GRM6: variants seen among roughly 807,000 people sequenced by gnomAD.
GRM6 encodes glutamate metabotropic receptor 6, also known as metabotropic glutamate receptor 6.
A neutral mutation model predicts 78.4 loss-of-function variants in GRM6; 73 were observed. That is an observed-to-expected ratio of 0.93 (90% CI 0.77 to 1.13). The LOEUF is 1.13. Among genes scored for constraint, GRM6 ranks in the 50% most tolerant of loss-of-function variants. The pLI is 0.00. For missense variants in GRM6, 1,251 were observed against 1,256.4 expected, an observed-to-expected ratio of 1.00 and a Z score of 0.07; for synonymous variants, 580 against 555.0, an observed-to-expected ratio of 1.05 and a Z score of -0.63.
rs1167815824 is a variant in GRM6 at position 178,980,331 on chromosome 5, G to A, written c.*1326C>T. 6.5e-6 allele frequency: 1 copy of A among 154,344 alleles called. No individual in the cohort carries two copies. The highest frequency in any genetic ancestry group is 2.4e-5 in the African/African-American group (1 of 41,512). The allele number at this position is 154,344 out of a possible 1,614,324, so 9.6% of individuals were successfully genotyped here. On this transcript the variant is annotated 3_prime_UTR_variant, in exon 11 of 11. Transcript: ENST00000517717. This position sits in a 1 kb window ranked among gnomAD's most constrained non-coding sequence, Gnocchi z 4.3. ...CAAGCTTTTTGTAAAAACTATCAGT[G>A]AAAAACAAATGTGCGTGCATCTGCA...
At chr5:178,985,618 G>T (rs754632386) in intron 9 of GRM6, 8 of 363,380 alleles carry the variant, frequency 2.2e-5, no homozygotes, top group African/African-American at 4.3e-5. Context: ...CAGGAGAATG[G>T]CGTGAACCCG....
intron 9 of GRM6, chr5:178,985,571 C>CGGG (rs1466161019): frequency 3.0e-6 from 1 of 338,148 alleles, no homozygotes; most frequent in African/African-American, 2.2e-5. Context: ...GGCGTGGTGG[C>CGGG]GGGCGCCTGT....
Position 178,991,149 on chromosome 5 carries a change from T to C in GRM6, c.857+275A>G. Reference sequence around the variant, plus strand: ...TTCCCTCACAGCTCATTTTCTGCACTAGGTTCTGCCCACAGGTCCCTCCCC... The same window carrying C: ...TTCCCTCACAGCTCATTTTCTGCACCAGGTTCTGCCCACAGGTCCCTCCCC... On this transcript the variant is annotated intron_variant, in intron 4 of 10. Coordinates refer to ENST00000517717, the MANE Select transcript of GRM6 (RefSeq NM_000843.4). This position sits in a 1 kb window ranked among gnomAD's most constrained non-coding sequence, Gnocchi z 5.0. 6.6e-6 allele frequency among the ~76,000 whole-genome samples: 1 copy of C among 152,010 alleles called. No individual in the cohort carries two copies. Among genetic ancestry groups the C allele is most frequent in the Non-Finnish European group, 1.5e-5 (1 of 67,994 alleles).
In GRM6 at chr5:178,982,750, A is replaced by G. The variant is rs1010064629; in HGVS notation, c.2436+160T>C. 41 of 635,232 alleles carry G rather than the reference A, an allele frequency of 6.5e-5. No homozygotes were observed. In the East Asian group the frequency reaches 1.1e-3, roughly 17 times the overall value. The allele number at this position is 635,232 out of a possible 1,614,324, so 39.3% of individuals were successfully genotyped here. A position where few individuals can be genotyped will look rare whatever the true frequency, so the allele number is the denominator to read the frequency against. On this transcript the variant is annotated intron_variant, in intron 10 of 10. Transcript: ENST00000517717. ...TTAAGAAGAGGGGTTAGAAGCTTGG[A>G]AAAGTGAATGAATGAACAAAGTAAG...
In GRM6 at chr5:178,986,477, C is replaced by T. The variant is rs1408185736; in HGVS notation, c.1777G>A (p.Ala593Thr). ...SPWAAPPLLL[A>T]VLGIVATTTV... ...GTAGTGGCCACGATGCCCAGCACGG[C>T]CAGGAGGAGCGGCGGGGCTGCCCAG... The change falls in exon 9 of 11, where the codon GCC becomes ACC. Residue 593 changes from alanine to threonine, a missense_variant. Physicochemically the swap from Ala to Thr is moderately conservative, Grantham distance 58 (BLOSUM62 0). Coordinates refer to ENST00000517717, the MANE Select transcript of GRM6 (RefSeq NM_000843.4). 6.2e-7 allele frequency: 1 copy of T among 1,611,836 alleles called. No homozygotes were observed. Among genetic ancestry groups the T allele is most frequent in the Non-Finnish European group, 8.5e-7 (1 of 1,179,322 alleles).
At chr5:178,989,223 C>T in intron 6 of GRM6, 42 bp downstream of exon 6, 1 of 1,134,356 alleles carries the variant, frequency 8.8e-7, no homozygotes, top group Non-Finnish European at 1.3e-6. Flanking sequence ...CCTCACCACC[C>T]TCCCCACCCT....
Position 178,991,184 on chromosome 5 carries a change from G to A in GRM6, c.857+240C>T, listed in dbSNP as rs1760663794. On this transcript the variant is annotated intron_variant, in intron 4 of 10. Coordinates refer to ENST00000517717, the MANE Select transcript of GRM6 (RefSeq NM_000843.4). The surrounding 1 kb of genome is among the most constrained non-coding windows in gnomAD (Gnocchi z 5.0). ...CCACAGGTCCCTCCCCGCACCCCCA[G>A]GAGCTGTAAACACAGACACATGTTC... 6.6e-6 allele frequency among the ~76,000 whole-genome samples: 1 copy of A among 152,092 alleles called. No homozygotes were observed. Among genetic ancestry groups the A allele is most frequent in the Admixed American group, 6.5e-5 (1 of 15,282 alleles).
rs766764983 is a variant in GRM6 at position 178,991,985 on chromosome 5, C to T, written c.603G>A (p.Ala201=). Residue 201 remains alanine (A), a synonymous_variant, in exon 3 of 11, where the codon GCG becomes GCA. Coordinates refer to ENST00000517717, the MANE Select transcript of GRM6 (RefSeq NM_000843.4). This position sits in a 1 kb window ranked among gnomAD's most constrained non-coding sequence, Gnocchi z 5.0. The stretch of plus-strand genomic sequence containing the variant: ...CCCTCACGATGTCCACCATGGCCTG[C>T]GCCTGGTAGGAGTCGGGTGGCACCA... The part of the protein sequence containing the change: ...SRVVPPDSYQ[A]QAMVDIVRAL... 16 of 1,613,716 alleles carry T rather than the reference C, an allele frequency of 9.9e-6. No individual in the cohort carries two copies. The highest frequency in any genetic ancestry group is 4.5e-5 in the East Asian group (2 of 44,878).
At chr5:178,989,196 G>A (rs1303220262) in intron 6 of GRM6, 61 bp from the exon 7 acceptor site, 23 of 1,415,484 alleles carry the variant, frequency 1.6e-5, no homozygotes, top group African/African-American at 5.9e-5. Context: ...CCGGCCTCCC[G>A]CCTTCCCCCT....
In GRM6 at chr5:178,985,565, T is replaced by C. The variant is rs566619905; in HGVS notation, c.2124+565A>G. The C allele has an allele frequency of 1.9e-3, 651 of 338,486 alleles. 6 individuals carry two copies. The highest frequency in any genetic ancestry group is 6.0e-3 in the South Asian group (265 of 44,198). The allele number at this position is 338,486 out of a possible 1,614,324, so 21.0% of individuals were successfully genotyped here. ...AAAAATACAAAAAATTAGCCGGGCG[T>C]GGTGGCGGGCGCCTGTAGTCCCAGC... On this transcript the variant is annotated intron_variant, in intron 9 of 10. Transcript: ENST00000517717.
chr5:178,995,112 C>T (rs1050975447), intron 1 of GRM6, 152 bp from the exon 2 acceptor site: 29 of 285,446 alleles, frequency 1.0e-4, no homozygotes, highest in African/African-American at 5.7e-4. Flanking sequence ...AGCCGGCCTG[C>T]CCGGGCCTCC....
chr5:178,987,374 G>A, intron 7 of GRM6: 1 of 467,194 alleles, frequency 2.1e-6, no homozygotes, highest in Middle Eastern at 3.2e-4. Flanking sequence ...GTTCACAGCA[G>A]CGTTATTCAC....
intron 10 of GRM6, among the ~76,000 whole-genome samples, chr5:178,982,620 G>A (rs79739266): frequency 0.042 from 4,085 of 96,418 alleles, 135 homozygotes; most frequent in East Asian, 0.16. Context: ...TGAAGAACTT[G>A]AATTAAAAAA....
At chr5:178,987,008 G>A (rs754284596) in intron 7 of GRM6, 25 bp from the exon 8 acceptor site, 42 of 1,609,592 alleles carry the variant, frequency 2.6e-5, no homozygotes, top group Middle Eastern at 1.6e-4. Flanking sequence ...CGTCATCCTC[G>A]GTGGTCCTCC....
In GRM6 at chr5:178,986,272, G is replaced by T; in HGVS notation, c.1982C>A (p.Thr661Lys). Residue 661 changes from threonine to lysine, a missense_variant, in exon 9 of 11, where the codon ACG becomes AAG. By Grantham distance (78) the Thr-to-Lys change is moderately conservative. Transcript: ENST00000517717. ...GAGCAGGGCAGAGTAGCTGAGGGTC[G>T]TGCCCAGGCCCAGGAAGAGCCTGCG... ...AARRLFLGLG[T>K]TLSYSALLTK... is the part of the protein sequence containing the mutation. 6.2e-7 allele frequency: 1 copy of T among 1,614,066 alleles called. No individual in the cohort carries two copies. The highest frequency in any genetic ancestry group is 1.3e-5 in the African/African-American group (1 of 75,056).
rs1172520664 is a variant in GRM6, at chr5:178,980,619, GGTTTTTTTGGT to G, written c.*1027_*1037del. ...GTATCTGAATTTCTTCAGGTTTGGG[GGTTTTTTTGGT>G]GTTTTTTTGTTTTGTTTTTTTGAGA... On this transcript the variant is annotated 3_prime_UTR_variant, in exon 11 of 11. Coordinates refer to ENST00000517717, the MANE Select transcript of GRM6 (RefSeq NM_000843.4). The surrounding 1 kb of genome is among the most constrained non-coding windows in gnomAD (Gnocchi z 4.3). 1 of 153,630 alleles carries G rather than the reference GGTTTTTTTGGT, an allele frequency of 6.5e-6. No individual in the cohort carries two copies. 9.5% of individuals were successfully genotyped at this position (153,630 alleles called of 1,614,324 possible). A position where few individuals can be genotyped will look rare whatever the true frequency, so the allele number is the denominator to read the frequency against.
chr5:178,983,271 C>T (rs761163001), intron 9 of GRM6, 50 bp from the exon 10 acceptor site: 1 of 1,518,356 alleles, frequency 6.6e-7, no homozygotes, highest in Non-Finnish European at 9.1e-7. Context: ...GGGACAAATC[C>T]ATTCCAGCCC....
In GRM6 at chr5:178,979,782, A is replaced by G. The variant is rs896069519; in HGVS notation, c.*1875T>C. Reference sequence around the variant, plus strand: ...AATTCACACTGGGAGAGACATGAGAAAACAGCAAATGCAGGAAAACTTTCC... The same window carrying G: ...AATTCACACTGGGAGAGACATGAGAGAACAGCAAATGCAGGAAAACTTTCC... On this transcript the variant is annotated 3_prime_UTR_variant, in exon 11 of 11. Transcript: ENST00000517717. The G allele has an allele frequency of 1.3e-5, 2 of 152,638 alleles. No homozygotes were observed. Among genetic ancestry groups the G allele is most frequent in the African/African-American group, 4.8e-5 (2 of 41,476 alleles). The allele number at this position is 152,638 out of a possible 1,614,324, so 9.5% of individuals were successfully genotyped here.
At chr5:178,990,442 C>A (rs990765256) in intron 5 of GRM6, 150 bp downstream of exon 5, 2 of 730,388 alleles carry the variant, frequency 2.7e-6, no homozygotes, top group East Asian at 5.4e-5. Context: ...TGGAGGGACG[C>A]GTCCACAGAT....
Sources: allele counts gnomAD v4.1 joint callset (sites outside exome capture counted in the v4.1 genomes callset), GRCh38; gene constraint gnomAD v4.1.1; non-coding constraint Gnocchi (gnomAD v3.1); transcripts MANE v1.5; gene names NCBI Gene and HGNC (gene_info 2026-07-23, HGNC 2026-07-21).